The following SAMD8 variants were observed in gnomAD, a reference collection of about 807,000 sequenced individuals.
The protein encoded by SAMD8 is sterile alpha motif domain containing 8, also known as sphingomyelin synthase-related protein 1.
In SAMD8, 20 loss-of-function variants were observed where a neutral mutation model predicts 42.0. The ratio of observed to expected loss-of-function variants is 0.48; its 90% CI spans 0.34 to 0.69. The LOEUF (loss-of-function observed/expected upper bound fraction) is 0.69. SAMD8 is among the 30% of genes least tolerant of loss of function. SAMD8 has a pLI of 0.01. For missense variants in SAMD8, 328 were observed against 511.6 expected (o/e 0.64, Z 3.46); for synonymous variants, 162 against 173.0 (o/e 0.94, Z 0.50).
chr10:75,121,539 G>GTT (rs1849005261), intron 1 of SAMD8, among the ~76,000 whole-genome samples: 1 of 152,134 alleles, frequency 6.6e-6, no homozygotes, highest in South Asian at 2.1e-4. Flanking sequence ...TGAGATAAAG[G>GTT]TTAAGCTGTT....
rs759666168 is a variant in SAMD8 at position 75,150,904 on chromosome 10, T to C, written c.376T>C (p.Leu126=). 1.2e-6 allele frequency: 2 copies of C among 1,612,266 alleles called. No individual in the cohort carries two copies. Among genetic ancestry groups the C allele is most frequent in the East Asian group, 4.5e-5 (2 of 44,874 alleles). ...TGACTGTGACGGACCCATAACTGAC[T>C]TGAATTCTGATCAGTACCAGTACAT... is the stretch of plus-strand genomic sequence containing the variant. ...SHDCDGPITD[L]NSDQYQYMNG... The change falls in exon 2 of 6, where the codon TTG becomes CTG. Residue 126 remains leucine, a synonymous_variant. Transcript: ENST00000542569.
chr10:75,124,016 C>T (rs1172343201), intron 1 of SAMD8, among the ~76,000 whole-genome samples: 1 of 152,156 alleles, frequency 6.6e-6, no homozygotes, highest in African/African-American at 2.4e-5. Flanking sequence ...GCGTGAGCCA[C>T]TGCACCCAGC....
intron 1 of SAMD8, among the ~76,000 whole-genome samples, chr10:75,115,477 A>G (rs1054458405): frequency 1.3e-5 from 2 of 152,184 alleles, no homozygotes; most frequent in African/African-American, 4.8e-5. Context: ...TGCCATATGA[A>G]TGTGTGGGTA....
chr10:75,101,671 T>G (rs1241238258), intron 1 of SAMD8, among the ~76,000 whole-genome samples: 2 of 152,174 alleles, frequency 1.3e-5, no homozygotes, highest in Non-Finnish European at 2.9e-5. Context: ...AGCCAATTGA[T>G]GTGGGAGTCA....
intron 1 of SAMD8, among the ~76,000 whole-genome samples, chr10:75,131,464 TATA>T (rs1849272000): frequency 6.6e-6 from 1 of 152,148 alleles, no homozygotes; most frequent in Non-Finnish European, 1.5e-5. Flanking sequence ...ACTGAAGATA[TATA>T]ATATTAAGAA....
In SAMD8 at chr10:75,132,191, T is replaced by TA. The variant is rs1297646251; in HGVS notation, c.-15-18322dup. ...ACTCTCTGCTCTGTGGCACTGATGT[T>TA]ACGTTAGGTCTCACAGGAAGCTGGA... is the stretch of plus-strand genomic sequence containing the variant. On this transcript the variant is annotated intron_variant, in intron 1 of 5. Transcript: ENST00000542569. Among the ~76,000 whole-genome samples, 3 of 152,218 alleles carry TA rather than the reference T, an allele frequency of 2.0e-5. No individual in the cohort carries two copies. The East Asian group carries it at 5.8e-4, about 29-fold the overall frequency.
intron 1 of SAMD8, among the ~76,000 whole-genome samples, chr10:75,124,490 G>A (rs1318581741): frequency 1.3e-5 from 2 of 151,846 alleles, no homozygotes; most frequent in Admixed American, 1.3e-4. Context: ...GCGCACGCCT[G>A]TAGTTCCAGC....
At chr10:75,114,607 CTT>C (rs1325571496) in intron 1 of SAMD8, among the ~76,000 whole-genome samples, 2 of 152,086 alleles carry the variant, frequency 1.3e-5, no homozygotes, top group Non-Finnish European at 2.9e-5. Context: ...TTTTGAGAAA[CTT>C]AAATCACAGA....
In SAMD8 at chr10:75,130,512, CA is replaced by C. The variant is rs199824269; in HGVS notation, c.-16+18798del. On this transcript the variant is annotated intron_variant, in intron 1 of 5. Transcript: ENST00000542569. ...CAAGAGCGAAACTCCATCTCAAAAA[CA>C]AAAAAAACACTATGATCATTCTTTA... 6.6e-5 allele frequency among the ~76,000 whole-genome samples: 10 copies of C among 151,126 alleles called. No individual in the cohort carries two copies. The East Asian group carries it at 7.8e-4, about 12-fold the overall frequency.
rs1476663374 is a variant in SAMD8, at chr10:75,181,905, T to C, written c.*5213T>C. 2 of 152,232 alleles carry C rather than the reference T, an allele frequency of 1.3e-5. No homozygotes were observed. Among genetic ancestry groups the C allele is most frequent in the African/African-American group, 4.8e-5 (2 of 41,454 alleles). The allele number at this position is 152,232 out of a possible 1,614,324, so 9.4% of individuals were successfully genotyped here. A position where few individuals can be genotyped will look rare whatever the true frequency, so the allele number is the denominator to read the frequency against. On this transcript the variant is annotated 3_prime_UTR_variant, in exon 6 of 6. Coordinates refer to ENST00000542569, the MANE Select transcript of SAMD8 (RefSeq NM_001174156.2). ...GGACTAAAACGGACATGTTTTGTTT[T>C]GTGAATTCTACCTAAATGTCTCTCT...
intron 1 of SAMD8, among the ~76,000 whole-genome samples, chr10:75,126,182 A>G (rs1849127528): frequency 6.6e-6 from 1 of 152,124 alleles, no homozygotes; most frequent in South Asian, 2.1e-4. Flanking sequence ...CTACTCCTTT[A>G]ACGCTTAGCT....
intron 1 of SAMD8, among the ~76,000 whole-genome samples, chr10:75,115,529 C>T (rs1848857622): frequency 6.6e-6 from 1 of 152,162 alleles, no homozygotes; most frequent in Admixed American, 6.6e-5. Context: ...TCCTGAACCC[C>T]CTCCTCCCAT....
At chr10:75,105,791 G>T in intron 1 of SAMD8, 1 of 1,550,998 alleles carries the variant, frequency 6.4e-7, no homozygotes. Flanking sequence ...AGGGACAGCC[G>T]CTGGTGCAGC....
rs778461063 is a variant in SAMD8 at position 75,150,705 on chromosome 10, C to G, written c.177C>G (p.Ile59Met). The G allele has an allele frequency of 6.2e-7, 1 of 1,614,028 alleles. No individual in the cohort carries two copies. The highest frequency in any genetic ancestry group is 1.3e-5 in the African/African-American group (1 of 74,914). ...ATCTCCGGTCTCCTCCTCTGGAAAT[C>G]AAAGTCTTAGGGGACATTAAAAGGT... The part of the protein sequence containing the change: ...EYDLRSPPLE[I>M]KVLGDIKRLM... Residue 59 changes from isoleucine to methionine, a missense_variant, in exon 2 of 6, where the codon ATC becomes ATG. By Grantham distance (10) the Ile-to-Met change is conservative. Around this residue, in one of 2 missense-constraint regions of SAMD8, gnomAD observed 150 missense variants for 186.0 expected, o/e 0.81. Coordinates refer to ENST00000542569, the MANE Select transcript of SAMD8 (RefSeq NM_001174156.2).
At chr10:75,099,890 C>T (rs969178147) in intron 1 of SAMD8, among the ~76,000 whole-genome samples, 1 of 152,148 alleles carries the variant, frequency 6.6e-6, no homozygotes, top group Non-Finnish European at 1.5e-5. Flanking sequence ...CTCTGGGGGT[C>T]TGACCCGAGA....
chr10:75,118,533 A>G (rs1309955981), intron 1 of SAMD8, among the ~76,000 whole-genome samples: 1 of 152,186 alleles, frequency 6.6e-6, no homozygotes, highest in South Asian at 2.1e-4. Context: ...AGTCCCAGCT[A>G]CTTGGGAGGC....
At chr10:75,165,497 T>C (rs1406816988) in intron 3 of SAMD8, among the ~76,000 whole-genome samples, 2 of 151,468 alleles carry the variant, frequency 1.3e-5, no homozygotes, top group Non-Finnish European at 1.5e-5. Context: ...GGTGAAACCC[T>C]GTCTCTACTA....
intron 4 of SAMD8, among the ~76,000 whole-genome samples, chr10:75,172,236 G>A (rs1387029160): frequency 6.6e-6 from 1 of 151,982 alleles, no homozygotes; most frequent in African/African-American, 2.4e-5. Flanking sequence ...TCTGTGCATG[G>A]TGTGCGCAGT....
At chr10:75,166,530 T>C (rs889914917) in intron 3 of SAMD8, among the ~76,000 whole-genome samples, 1 of 152,106 alleles carries the variant, frequency 6.6e-6, no homozygotes, top group Non-Finnish European at 1.5e-5. Context: ...AGTGATGAGC[T>C]TTAGGTCCTA....
Sources: gnomAD v4.1 joint callset for allele counts (sites outside exome capture counted in the v4.1 genomes callset) on GRCh38, gnomAD v4.1.1 for gene constraint, gnomAD v4.1.1 regional missense constraint, MANE v1.5 for transcripts, NCBI Gene and HGNC (gene_info 2026-07-23, HGNC 2026-07-21) for gene names.